KCNN3: variants seen among roughly 807,000 people sequenced by gnomAD.
KCNN3 encodes the protein potassium calcium-activated channel subfamily N member 3.
KCNN3 carries 16 observed loss-of-function variants against 62.9 expected under a neutral mutation model. The observed-to-expected ratio is 0.25, with a 90% CI of 0.17 to 0.39. KCNN3 has a LOEUF of 0.39. Ranked by LOEUF, KCNN3 falls within the 10% of genes least tolerant of loss-of-function variation. KCNN3 has a pLI of 1.00. For synonymous variants in KCNN3, 370 were observed against 389.2 expected (o/e 0.95, Z 0.58); for missense variants, 599 against 949.4 (o/e 0.63, Z 4.85).
chr1:154,847,772 A>T (rs1218558), intron 1 of KCNN3, among the ~76,000 whole-genome samples: 1,622 of 152,232 alleles, frequency 0.011, 24 homozygotes, highest in African/African-American at 0.038. Context: ...TTAAAAACAG[A>T]GGCCATTTAT....
At chr1:154,845,546 C>A (rs1179752244) in intron 1 of KCNN3, among the ~76,000 whole-genome samples, 2 of 152,236 alleles carry the variant, frequency 1.3e-5, no homozygotes, top group Non-Finnish European at 2.9e-5. Flanking sequence ...CTGAGGCCAC[C>A]TTGACTAATG....
At chr1:154,860,749 C>T (rs1171689649) in intron 1 of KCNN3, among the ~76,000 whole-genome samples, 5 of 152,186 alleles carry the variant, frequency 3.3e-5, no homozygotes, top group Non-Finnish European at 7.3e-5. Context: ...ATATGCCCCT[C>T]CTGTCTTGAT....
intron 3 of KCNN3, among the ~76,000 whole-genome samples, chr1:154,756,284 AAAG>A (rs764788408): frequency 4.7e-5 from 7 of 150,178 alleles, no homozygotes; most frequent in African/African-American, 7.4e-5. Flanking sequence ...ACGACGATGA[AAAG>A]GAGGAGGAGG....
chr1:154,750,121 A>C (rs1647296578), intron 3 of KCNN3, among the ~76,000 whole-genome samples: 1 of 152,244 alleles, frequency 6.6e-6, no homozygotes, highest in East Asian at 1.9e-4. Context: ...CGTCAGGAAT[A>C]AAGCTAATTC....
In KCNN3 at chr1:154,862,284, G is replaced by C. The variant is rs1011653736; in HGVS notation, c.933+6748C>G. Among the ~76,000 whole-genome samples the C allele has an allele frequency of 1.3e-5, 2 of 152,144 alleles. No individual in the cohort carries two copies. Among genetic ancestry groups the C allele is most frequent in the African/African-American group, 2.4e-5 (1 of 41,416 alleles). On this transcript the variant is annotated intron_variant, in intron 1 of 7. Transcript: ENST00000271915. The surrounding 1 kb of genome is among the most constrained non-coding windows in gnomAD (Gnocchi z 4.1). ...CATCCCTGAGATAGTTGGTCATCAT[G>C]AGCCCTGGGCCAGCCACCGTGAGGG...
intron 3 of KCNN3, among the ~76,000 whole-genome samples, chr1:154,737,789 G>T (rs548183603): frequency 2.0e-5 from 3 of 152,332 alleles, no homozygotes; most frequent in East Asian, 3.9e-4. Flanking sequence ...AGGCATTGTG[G>T]TGTGTGCCTG....
At chr1:154,824,476 G>A (rs1350418940) in intron 1 of KCNN3, among the ~76,000 whole-genome samples, 1 of 152,200 alleles carries the variant, frequency 6.6e-6, no homozygotes, top group Non-Finnish European at 1.5e-5. Flanking sequence ...AGATGGGGCT[G>A]AAAAGAGCAA....
chr1:154,713,316 C>T (rs1230526294), intron 7 of KCNN3, 148 bp downstream of exon 7: 2 of 684,038 alleles, frequency 2.9e-6, no homozygotes, highest in East Asian at 2.7e-5. Context: ...CAAACTTGAG[C>T]CTAGGTATTT....
At chr1:154,859,561 T>C in intron 1 of KCNN3, 1 of 866,874 alleles carries the variant, frequency 1.2e-6, no homozygotes, top group Non-Finnish European at 2.0e-6. Flanking sequence ...AAGGGCAGCC[T>C]CTCCCTGCCT....
intron 1 of KCNN3, among the ~76,000 whole-genome samples, chr1:154,834,368 G>A (rs1485445749): frequency 6.6e-6 from 1 of 152,222 alleles, no homozygotes; most frequent in Non-Finnish European, 1.5e-5. Context: ...GACTCCTTGG[G>A]TGCTGGTCCT....
chr1:154,823,185 G>A (rs942723334), intron 1 of KCNN3, among the ~76,000 whole-genome samples: 2 of 152,194 alleles, frequency 1.3e-5, no homozygotes, highest in Non-Finnish European at 2.9e-5. Flanking sequence ...GTTGGAACTT[G>A]GTGCACCTCT....
intron 3 of KCNN3, among the ~76,000 whole-genome samples, chr1:154,761,429 C>G (rs1394998148): frequency 6.6e-6 from 1 of 152,040 alleles, no homozygotes; most frequent in Non-Finnish European, 1.5e-5. Flanking sequence ...GATTGCGCCA[C>G]TGCACTACAG....
At position 154,853,666 on chromosome 1, in the gene KCNN3, G is replaced by A. The variant is rs188260656; in HGVS notation, c.933+15366C>T. Among the ~76,000 whole-genome samples, 642 of 152,318 alleles carry A rather than the reference G, an allele frequency of 4.2e-3. 3 individuals carry two copies. Among genetic ancestry groups the A allele is most frequent in the Middle Eastern group, 0.014 (4 of 294 alleles). ...TTATTTAAAATGACCACTCTCAGCCGGGCATGGTGGCTCATGCCTGTAATC... is the reference window on the plus strand; with the variant it reads ...TTATTTAAAATGACCACTCTCAGCCAGGCATGGTGGCTCATGCCTGTAATC... On this transcript the variant is annotated intron_variant, in intron 1 of 7. Coordinates refer to ENST00000271915, the MANE Select transcript of KCNN3 (RefSeq NM_002249.6).
At chr1:154,797,184 C>T (rs1649770305) in intron 2 of KCNN3, among the ~76,000 whole-genome samples, 1 of 152,178 alleles carries the variant, frequency 6.6e-6, no homozygotes, top group African/African-American at 2.4e-5. Context: ...ACAGGTCTGG[C>T]CTTGGGGTCC....
chr1:154,712,397 C>T (rs757777618), intron 7 of KCNN3, among the ~76,000 whole-genome samples: 66 of 152,260 alleles, frequency 4.3e-4, no homozygotes, highest in Admixed American at 2.5e-3. Context: ...TCCAAAGGCA[C>T]GCGGGCCTGG....
At chr1:154,761,165 G>A (rs558057905) in intron 3 of KCNN3, among the ~76,000 whole-genome samples, 2 of 152,016 alleles carry the variant, frequency 1.3e-5, no homozygotes, top group South Asian at 2.1e-4. Context: ...AAAATCACAT[G>A]TAACGTCATA....
Position 154,794,571 on chromosome 1 carries a change from A to G in KCNN3, c.1030-22178T>C, listed in dbSNP as rs572513060. On this transcript the variant is annotated intron_variant, in intron 2 of 7. Transcript: ENST00000271915. ...GTAGACTATTGTTATGCTCTTTATT[A>G]TCTTTGACTATTGCCTTTCTGGTCT... Among the ~76,000 whole-genome samples the G allele has an allele frequency of 7.9e-5, 12 of 152,284 alleles. No individual in the cohort carries two copies. The East Asian group carries it at 1.9e-3, about 25-fold the overall frequency.
intron 3 of KCNN3, among the ~76,000 whole-genome samples, chr1:154,753,007 C>G (rs1248920202): frequency 6.6e-6 from 1 of 152,154 alleles, no homozygotes; most frequent in Non-Finnish European, 1.5e-5. Flanking sequence ...CCTCTAATTT[C>G]TGAAATAATG....
intron 3 of KCNN3, among the ~76,000 whole-genome samples, chr1:154,734,875 G>A (rs1040444197): frequency 1.3e-5 from 2 of 152,202 alleles, no homozygotes; most frequent in Non-Finnish European, 2.9e-5. Flanking sequence ...CAAAGCCCAT[G>A]CTCCTTTCAC....
Sources: allele counts gnomAD v4.1 joint callset (sites outside exome capture counted in the v4.1 genomes callset), GRCh38; gene constraint gnomAD v4.1.1; non-coding constraint Gnocchi (gnomAD v3.1); transcripts MANE v1.5; gene names NCBI Gene and HGNC (gene_info 2026-07-23, HGNC 2026-07-21).